NTM: variants seen among roughly 807,000 people sequenced by gnomAD.
NTM encodes the protein IgLON family member 2.
A neutral mutation model predicts 42.1 loss-of-function variants in NTM; 13 were observed. The ratio of observed to expected loss-of-function variants is 0.31; its 90% CI spans 0.20 to 0.49. The LOEUF is 0.49. Among genes scored for constraint, NTM ranks in the 20% least tolerant of loss-of-function variants. NTM has a pLI of 0.99. For missense variants in NTM, 373 were observed against 452.8 expected, an observed-to-expected ratio of 0.82 and a Z score of 1.60; for synonymous variants, 187 against 179.2, an observed-to-expected ratio of 1.04 and a Z score of -0.35.
intron 1 of NTM, among the ~76,000 whole-genome samples, chr11:131,439,258 G>C (rs1015105597): frequency 6.6e-6 from 1 of 152,156 alleles, no homozygotes; most frequent in African/African-American, 2.4e-5. Context: ...GGCTACTCGG[G>C]GGTCAGGGAC....
rs116125835 is a variant in NTM, at chr11:132,026,388, C to T, written c.167+114740C>T. Among the ~76,000 whole-genome samples the T allele has an allele frequency of 4.4e-3, 671 of 152,232 alleles. 9 individuals carry two copies. The highest frequency in any genetic ancestry group is 0.015 in the African/African-American group (638 of 41,520). Reference sequence around the variant, plus strand: ...ACAAATAGTCACGTATGTAAACCATCCTGGGGTCCACTTATATGAGACATC... The same window carrying T: ...ACAAATAGTCACGTATGTAAACCATTCTGGGGTCCACTTATATGAGACATC... On this transcript the variant is annotated intron_variant, in intron 2 of 8. Coordinates refer to ENST00000683400, the MANE Select transcript of NTM (RefSeq NM_001352005.2).
chr11:132,161,962 C>T (rs1195721006), intron 3 of NTM, among the ~76,000 whole-genome samples: 6 of 152,086 alleles, frequency 3.9e-5, no homozygotes, highest in Non-Finnish European at 8.8e-5. Flanking sequence ...AGATCATTTC[C>T]CTTAGGGAAC....
chr11:131,726,969 G>T (rs11222752), intron 1 of NTM, among the ~76,000 whole-genome samples: 2 of 151,236 alleles, frequency 1.3e-5, no homozygotes, highest in Non-Finnish European at 2.9e-5. Context: ...GATTACAGGC[G>T]CAAGCCACAG....
chr11:131,434,573 T>C (rs1408868068), intron 1 of NTM, among the ~76,000 whole-genome samples: 2 of 152,352 alleles, frequency 1.3e-5, no homozygotes, highest in East Asian at 1.9e-4. Context: ...GTTTGTTGAC[T>C]GCATAAATAT....
intron 1 of NTM, among the ~76,000 whole-genome samples, chr11:131,822,539 TC>T (rs1592097330): frequency 6.6e-6 from 1 of 152,344 alleles, no homozygotes; most frequent in East Asian, 1.9e-4. Flanking sequence ...AGGGAGCTTT[TC>T]TTCCTTTGTA....
intron 1 of NTM, among the ~76,000 whole-genome samples, chr11:131,579,210 G>A (rs1410112982): frequency 6.6e-6 from 1 of 152,170 alleles, no homozygotes; most frequent in African/African-American, 2.4e-5. Context: ...CTGGAAACTA[G>A]GAAGAGCCTC....
chr11:131,867,574 CTGTG>C (rs1048721690), intron 1 of NTM, among the ~76,000 whole-genome samples: 2 of 151,022 alleles, frequency 1.3e-5, no homozygotes, highest in Admixed American at 1.3e-4. Flanking sequence ...GTGTGTCTGC[CTGTG>C]TGTATGTGTG....
At chr11:132,304,384 T>A (rs553745738) in intron 4 of NTM, among the ~76,000 whole-genome samples, 1 of 151,354 alleles carries the variant, frequency 6.6e-6, no homozygotes, top group Admixed American at 6.6e-5. Flanking sequence ...ACCAAGAATA[T>A]CCTTCAGCAC....
chr11:132,122,542 G>C (rs546501359), intron 2 of NTM, among the ~76,000 whole-genome samples: 3 of 152,260 alleles, frequency 2.0e-5, no homozygotes, highest in African/African-American at 7.2e-5. Context: ...TACCTGGCGG[G>C]GAGGAAAAGA....
intron 2 of NTM, among the ~76,000 whole-genome samples, chr11:132,046,013 CTG>C (rs2077935674): frequency 6.6e-6 from 1 of 152,188 alleles, no homozygotes; most frequent in Admixed American, 6.5e-5. Flanking sequence ...GGAATTTTAT[CTG>C]TGCATTTCTG....
At chr11:132,232,905 A>C (rs1156238155) in intron 4 of NTM, among the ~76,000 whole-genome samples, 1 of 152,248 alleles carries the variant, frequency 6.6e-6, no homozygotes, top group Non-Finnish European at 1.5e-5. Flanking sequence ...TTGTTATAAC[A>C]ACAGCAATTA....
intron 2 of NTM, among the ~76,000 whole-genome samples, chr11:132,110,104 C>G (rs923947704): frequency 3.3e-5 from 5 of 152,236 alleles, no homozygotes; most frequent in African/African-American, 1.2e-4. Flanking sequence ...TTACTGCTCT[C>G]TGCAATAAAC....
chr11:131,938,881 T>C (rs2059505493), intron 2 of NTM, among the ~76,000 whole-genome samples: 1 of 152,152 alleles, frequency 6.6e-6, no homozygotes, highest in Admixed American at 6.5e-5. Context: ...TGGGTTATGA[T>C]TCTTTTAACC....
chr11:131,456,398 G>A (rs1950895373), intron 1 of NTM, among the ~76,000 whole-genome samples: 3 of 152,256 alleles, frequency 2.0e-5, no homozygotes, highest in Non-Finnish European at 2.9e-5. Flanking sequence ...GACCCAATTT[G>A]TATAATCAAC....
intron 2 of NTM, among the ~76,000 whole-genome samples, chr11:131,993,959 T>C (rs942150144): frequency 2.0e-5 from 3 of 147,372 alleles, no homozygotes; most frequent in African/African-American, 7.6e-5. Flanking sequence ...GCTGAGATCA[T>C]GCCATTGTAC....
At chr11:131,606,663 G>A (rs1406104076) in intron 1 of NTM, among the ~76,000 whole-genome samples, 1 of 152,086 alleles carries the variant, frequency 6.6e-6, no homozygotes, top group Non-Finnish European at 1.5e-5. Context: ...AAGGGGGTGG[G>A]CACACTCACA....
chr11:131,426,435 C>T (rs1948143169), intron 1 of NTM, among the ~76,000 whole-genome samples: 1 of 152,144 alleles, frequency 6.6e-6, no homozygotes, highest in Non-Finnish European at 1.5e-5. Flanking sequence ...CTCAAAGGAG[C>T]CCCGTATGCT....
At chr11:132,057,602 C>A (rs1459502371) in intron 2 of NTM, among the ~76,000 whole-genome samples, 1 of 152,182 alleles carries the variant, frequency 6.6e-6, no homozygotes, top group East Asian at 1.9e-4. Flanking sequence ...TTCCTCTGTA[C>A]TTCTGCATCC....
intron 1 of NTM, among the ~76,000 whole-genome samples, chr11:131,474,761 C>T (rs896941453): frequency 6.6e-6 from 1 of 152,086 alleles, no homozygotes; most frequent in Admixed American, 6.5e-5. Context: ...TATAGGGTAT[C>T]ATTATATCCT....
Sources: allele counts gnomAD v4.1 joint callset (sites outside exome capture counted in the v4.1 genomes callset), GRCh38; gene constraint gnomAD v4.1.1; transcripts MANE v1.5; gene names NCBI Gene and HGNC (gene_info 2026-07-23, HGNC 2026-07-21).